ACOT2: variants seen among roughly 807,000 people sequenced by gnomAD.
The protein encoded by ACOT2 is acyl-coenzyme A thioesterase 2, mitochondrial.
A neutral mutation model predicts 20.1 loss-of-function variants in ACOT2; 15 were observed. The observed-to-expected ratio is 0.75, with a 90% CI of 0.50 to 1.15. The LOEUF (loss-of-function observed/expected upper bound fraction) is 1.15, where lower values mean the gene tolerates loss of function less well. ACOT2 is among the 50% of genes most tolerant of loss of function. ACOT2 has a pLI of 0.00. For missense variants in ACOT2, 479 were observed against 615.3 expected (o/e 0.78, Z 2.34); for synonymous variants, 252 against 268.4 (o/e 0.94, Z 0.60).
chr14:73,570,674 G>A (rs1257230408), intron 1 of ACOT2, among the ~76,000 whole-genome samples: 1 of 152,028 alleles, frequency 6.6e-6, no homozygotes, highest in Admixed American at 6.6e-5. Flanking sequence ...GGAGGCCGAG[G>A]CCGGCGGATC....
intron 2 of ACOT2, among the ~76,000 whole-genome samples, chr14:73,573,914 G>A (rs1225299283): frequency 3.3e-5 from 5 of 152,106 alleles, no homozygotes; most frequent in South Asian, 2.1e-4. Flanking sequence ...TTTAGTGGAG[G>A]CGGGGTTTCA....
In ACOT2 at chr14:73,569,900, A is replaced by G. The variant is rs778119222; in HGVS notation, c.643+17A>G. 150 of 1,598,622 alleles carry G rather than the reference A, an allele frequency of 9.4e-5. 3 individuals carry two copies. Among genetic ancestry groups the G allele is most frequent in the Non-Finnish European group, 1.1e-4 (128 of 1,173,810 alleles). ...TGCCGCCAGGTGACTCACCTCCGCT[A>G]ATTGTTCCGTGTTCGTTCGCCTTTC... On this transcript the variant is annotated intron_variant, in intron 1 of 2. Transcript: ENST00000238651.
rs118157277 is a variant in ACOT2 at position 73,573,407 on chromosome 14, G to C, written c.663G>C (p.Gly221=). Residue 221 remains glycine, a synonymous_variant, in exon 2 of 3, where the codon GGG becomes GGC. Coordinates refer to ENST00000238651, the MANE Select transcript of ACOT2 (RefSeq NM_006821.6). ...FLPPEPGPFP[G]IVDMFGTGGG... ...CCCAAGAACCTGGGCCCTTTCCTGG[G>C]ATTGTGGACATGTTCGGAACTGGAG... The C allele has an allele frequency of 2.3e-3, 3,653 of 1,611,592 alleles. 80 individuals are homozygous for C. Among genetic ancestry groups the C allele is most frequent in the Non-Finnish European group, 2.8e-3 (3,325 of 1,178,026 alleles).
chr14:73,574,072 T>C (rs957603256), intron 2 of ACOT2, among the ~76,000 whole-genome samples: 3 of 151,532 alleles, frequency 2.0e-5, no homozygotes, highest in Non-Finnish European at 2.9e-5. Flanking sequence ...GGTTTCGCCA[T>C]GTTGGCCAGG....
At chr14:73,573,902 T>C (rs1889819934) in intron 2 of ACOT2, among the ~76,000 whole-genome samples, 1 of 152,042 alleles carries the variant, frequency 6.6e-6, no homozygotes, top group African/African-American at 2.4e-5. Context: ...AATTTTTGTA[T>C]TTTTAGTGGA....
chr14:73,572,693 G>T (rs1334026018), intron 1 of ACOT2, among the ~76,000 whole-genome samples: 5 of 145,242 alleles, frequency 3.4e-5, no homozygotes, highest in Non-Finnish European at 7.5e-5. Context: ...TTTCGCCCAG[G>T]CTGGAGTAGT....
chr14:73,573,247 G>C, intron 1 of ACOT2, 141 bp from the exon 2 acceptor site: 1 of 1,295,636 alleles, frequency 7.7e-7, no homozygotes, highest in South Asian at 1.2e-5. Flanking sequence ...GTTTCTGGAC[G>C]AACAGGTTTT....
At position 73,569,405 on chromosome 14, in the gene ACOT2, G is replaced by A; in HGVS notation, c.165G>A (p.Gln55=). 6.2e-7 allele frequency: 1 copy of A among 1,613,978 alleles called. No individual in the cohort carries two copies. The highest frequency in any genetic ancestry group is 8.5e-7 in the Non-Finnish European group (1 of 1,179,806). Residue 55 remains glutamine, a synonymous_variant, in exon 1 of 3, where the codon CAG becomes CAA. Coordinates refer to ENST00000238651, the MANE Select transcript of ACOT2 (RefSeq NM_006821.6). ...CTCCACAGCTGAGGCAGGTTGGTCA[G>A]ATCATTAGGGTTCCTGCTCGGATGG... is the stretch of plus-strand genomic sequence containing the variant. ...LGSPQLRQVG[Q]IIRVPARMAA...
chr14:73,572,147 C>T (rs1440514812), intron 1 of ACOT2, among the ~76,000 whole-genome samples: 1 of 78,970 alleles, frequency 1.3e-5, no homozygotes, highest in African/African-American at 6.6e-5. Flanking sequence ...TGTACATGTG[C>T]ACCAGGAGGC....
Position 73,575,366 on chromosome 14 carries a change from C to T in ACOT2, c.1305C>T (p.Ser435=). 1.8e-6 allele frequency: 2 copies of T among 1,121,358 alleles called. No individual in the cohort carries two copies. Among genetic ancestry groups the T allele is most frequent in the Non-Finnish European group, 2.5e-6 (2 of 812,432 alleles). The allele number at this position is 1,121,358 out of a possible 1,614,324, so 69.5% of individuals were successfully genotyped here. ...EPPYFPLCRA[S]LHALVGSPII... is the part of the protein sequence containing the mutation. Reference sequence around the variant, plus strand: ...CTTACTTCCCCCTGTGTCGGGCTTCCCTGCATGCCTTGGTGGGCAGTCCTA... The same window carrying T: ...CTTACTTCCCCCTGTGTCGGGCTTCTCTGCATGCCTTGGTGGGCAGTCCTA... The change falls in exon 3 of 3, where the codon TCC becomes TCT. Residue 435 remains serine (S), a synonymous_variant. Transcript: ENST00000238651.
At position 73,569,612 on chromosome 14, in the gene ACOT2, G is replaced by A. The variant is rs772106122; in HGVS notation, c.372G>A (p.Leu124=). The change falls in exon 1 of 3, where the codon CTG becomes CTA. Residue 124 remains leucine (L), a synonymous_variant. Coordinates refer to ENST00000238651, the MANE Select transcript of ACOT2 (RefSeq NM_006821.6). The part of the protein sequence containing the change: ...YRADTLGELD[L]ERAPALGGSF... The stretch of plus-strand genomic sequence containing the variant: ...CCGACACTCTTGGCGAGCTGGACCT[G>A]GAGCGCGCGCCCGCGCTGGGCGGCA... The A allele has an allele frequency of 6.2e-7, 1 of 1,600,854 alleles. No homozygotes were observed. Among genetic ancestry groups the A allele is most frequent in the Non-Finnish European group, 8.5e-7 (1 of 1,175,730 alleles).
In ACOT2 at chr14:73,573,121, CTTT is replaced by C. The variant is rs1245741211; in HGVS notation, c.644-264_644-262del. The stretch of plus-strand genomic sequence containing the variant: ...TGTGCTCTTCTATGTAGCAGTCTTT[CTTT>C]TTGTTTCTTGGTGGTGCACCATTAA... On this transcript the variant is annotated intron_variant, in intron 1 of 2. Transcript: ENST00000238651. 2.0e-5 allele frequency among the ~76,000 whole-genome samples: 3 copies of C among 151,630 alleles called. No homozygotes were observed. In the East Asian group the frequency reaches 5.8e-4, roughly 29 times the overall value.
chr14:73,575,160 C>G lies in ACOT2; in HGVS notation c.1099C>G (p.Gln367Glu). The G allele has an allele frequency of 1.7e-6, 2 of 1,186,790 alleles. No homozygotes were observed. Among genetic ancestry groups the G allele is most frequent in the South Asian group, 2.9e-5 (2 of 70,170 alleles). 73.5% of individuals were successfully genotyped at this position (1,186,790 alleles called of 1,614,324 possible). The change falls in exon 3 of 3, where the codon CAG (glutamine) becomes GAG (glutamate). Residue 367 changes from glutamine to glutamate, a missense_variant. Around this residue, in one of 4 missense-constraint regions of ACOT2, gnomAD observed 39 missense variants for 108.0 expected, o/e 0.36. Coordinates refer to ENST00000238651, the MANE Select transcript of ACOT2 (RefSeq NM_006821.6). The stretch of plus-strand genomic sequence containing the variant: ...GAACAGCCCTTTGGAAGGACCTGAC[C>G]AGAAGAGCTTCATTCCTGTGGAAAG... ...VLNSPLEGPD[Q>E]KSFIPVERAE...
chr14:73,568,937 AC>A, upstream of ACOT2: 1 of 436,278 alleles, frequency 2.3e-6, no homozygotes, highest in Non-Finnish European at 4.2e-6. Flanking sequence ...AGTGATCAAA[AC>A]TAACTCCAGC....
At position 73,569,429 on chromosome 14, in the gene ACOT2, G is replaced by A. The variant is rs372981770; in HGVS notation, c.189G>A (p.Met63Ile). 3 of 1,613,810 alleles carry A rather than the reference G, an allele frequency of 1.9e-6. No homozygotes were observed. The highest frequency in any genetic ancestry group is 2.7e-5 in the African/African-American group (2 of 74,940). The stretch of plus-strand genomic sequence containing the variant: ...AGATCATTAGGGTTCCTGCTCGGAT[G>A]GCGGCGACGCTGATCCTGGAGCCTG... Reference protein sequence around the residue: ...VGQIIRVPARMAATLILEPAG... With the variant: ...VGQIIRVPARIAATLILEPAG... The change falls in exon 1 of 3, where the codon ATG (methionine) becomes ATA (isoleucine). Residue 63 changes from methionine (M) to isoleucine (I), a missense_variant. Transcript: ENST00000238651.
intron 1 of ACOT2, among the ~76,000 whole-genome samples, chr14:73,570,676 C>G (rs946965891): frequency 1.3e-5 from 2 of 151,868 alleles, no homozygotes; most frequent in Admixed American, 6.6e-5. Flanking sequence ...AGGCCGAGGC[C>G]GGCGGATCAC....
chr14:73,575,448 C>T lies in ACOT2; in HGVS notation c.1387C>T (p.Gln463Ter), dbSNP rs748658805. The T allele has an allele frequency of 1.4e-6, 2 of 1,429,356 alleles. No homozygotes were observed. Among genetic ancestry groups the T allele is most frequent in the Admixed American group, 4.9e-5 (2 of 40,866 alleles). 88.5% of individuals were successfully genotyped at this position (1,429,356 alleles called of 1,614,324 possible). ...CATGGCTCAGGTGGATGCTTGGAAA[C>T]AACTCCAGACTTTCTTCCACAAACA... Reference protein sequence around the residue: ...HAMAQVDAWKQLQTFFHKHLG... With the variant: ...HAMAQVDAWK Residue 463 changes from glutamine (Q) to a stop codon, truncating the protein, a stop_gained, in exon 3 of 3, where the codon CAA becomes TAA. Coordinates refer to ENST00000238651, the MANE Select transcript of ACOT2 (RefSeq NM_006821.6). LOFTEE classifies it low-confidence loss of function (END_TRUNC).
At chr14:73,573,932 G>T (rs1217670359) in intron 2 of ACOT2, among the ~76,000 whole-genome samples, 8 of 152,072 alleles carry the variant, frequency 5.3e-5, no homozygotes, top group African/African-American at 1.4e-4. Flanking sequence ...TCACAATATT[G>T]GTCAGGCTGG....
chr14:73,569,312 T>G lies in ACOT2; in HGVS notation c.72T>G (p.Ser24=). 6.2e-7 allele frequency: 1 copy of G among 1,613,930 alleles called. No homozygotes were observed. Among genetic ancestry groups the G allele is most frequent in the Non-Finnish European group, 8.5e-7 (1 of 1,179,782 alleles). ...GGTCTGAATTCAAAATGGCCTCATCTCCTGCTGTCCTTCGAGCGTCCCGGC... is the reference window on the plus strand; with the variant it reads ...GGTCTGAATTCAAAATGGCCTCATCGCCTGCTGTCCTTCGAGCGTCCCGGC... ...VLRSEFKMAS[S]PAVLRASRLY... The change falls in exon 1 of 3, where the codon TCT becomes TCG. Residue 24 remains serine (S), a synonymous_variant. Transcript: ENST00000238651.
Sources: gnomAD v4.1 joint callset for allele counts (sites outside exome capture counted in the v4.1 genomes callset) on GRCh38, gnomAD v4.1.1 for gene constraint, gnomAD v4.1.1 regional missense constraint, MANE v1.5 for transcripts, NCBI Gene and HGNC (gene_info 2026-07-23, HGNC 2026-07-21) for gene names.